Variants in GFRA4 observed in about 807,000 individuals in gnomAD.
GFRA4 encodes the protein GDNF family receptor alpha-4.
GFRA4 carries 31 observed loss-of-function variants against 28.5 expected under a neutral mutation model. The observed-to-expected ratio is 1.09, with a 90% CI of 0.82 to 1.47. The LOEUF is 1.47. GFRA4 is among the 40% of genes most tolerant of loss of function. The pLI is 0.00. For synonymous variants in GFRA4, 188 were observed against 188.0 expected, an observed-to-expected ratio of 1.00 and a Z score of 0.00; for missense variants, 389 against 413.2, an observed-to-expected ratio of 0.94 and a Z score of 0.51.
chr20:3,660,910 C>A, intron 2 of GFRA4, 34 bp downstream of exon 2: 1 of 1,382,236 alleles, frequency 7.2e-7, no homozygotes, highest in Non-Finnish European at 9.3e-7. Flanking sequence ...CCCGTCCCCA[C>A]CCTCGCCACG....
At chr20:3,662,765 T>A (rs1436051802) in intron 1 of GFRA4, among the ~76,000 whole-genome samples, 1 of 152,156 alleles carries the variant, frequency 6.6e-6, no homozygotes, top group African/African-American at 2.4e-5. Flanking sequence ...CACCAGCACC[T>A]GATGTTGCCT....
chr20:3,662,392 C>A (rs1024941367), intron 1 of GFRA4, among the ~76,000 whole-genome samples: 2 of 152,216 alleles, frequency 1.3e-5, no homozygotes, highest in African/African-American at 2.4e-5. Context: ...AGACTAGAAG[C>A]CTTTCTGGTG....
At position 3,659,947 on chromosome 20, in the gene GFRA4, A is replaced by G; in HGVS notation, c.772T>C (p.Ser258Pro). The G allele has an allele frequency of 6.3e-7, 1 of 1,597,726 alleles. No homozygotes were observed. Among genetic ancestry groups the G allele is most frequent in the Non-Finnish European group, 8.5e-7 (1 of 1,173,316 alleles). The change falls in exon 6 of 6, where the codon TCC (serine) becomes CCC (proline). Residue 258 changes from serine (S) to proline (P), a missense_variant. Physicochemically the swap from Ser to Pro is moderately conservative, Grantham distance 74. Coordinates refer to ENST00000290417, the MANE Select transcript of GFRA4 (RefSeq NM_022139.4). Reference protein sequence around the residue: ...GRALERRSLLSILPVLALPAL... With the variant: ...GRALERRSLLPILPVLALPAL... Reference sequence around the variant, plus strand: ...GGGAGAGCCAGGACAGGAAGTATGGAGAGCAGGGAGCGTCTCTCCAGGGCC... The same window carrying G: ...GGGAGAGCCAGGACAGGAAGTATGGGGAGCAGGGAGCGTCTCTCCAGGGCC...
In GFRA4 at chr20:3,659,827, T is replaced by C; in HGVS notation, c.*82A>G. 7.4e-7 allele frequency: 1 copy of C among 1,360,504 alleles called. No homozygotes were observed. The highest frequency in any genetic ancestry group is 1.0e-6 in the Non-Finnish European group (1 of 978,374). 84.3% of individuals were successfully genotyped at this position (1,360,504 alleles called of 1,614,324 possible). On this transcript the variant is annotated 3_prime_UTR_variant, in exon 6 of 6. Coordinates refer to ENST00000290417, the MANE Select transcript of GFRA4 (RefSeq NM_022139.4). ...GCTTGGGGGGTAAGCCAGCCCCTTCTCAAGGGGCCAGTAGGCCACAGAGGC... is the reference window on the plus strand; with the variant it reads ...GCTTGGGGGGTAAGCCAGCCCCTTCCCAAGGGGCCAGTAGGCCACAGAGGC...
chr20:3,660,375 G>A, intron 4 of GFRA4, 126 bp from the exon 5 acceptor site: 1 of 1,068,958 alleles, frequency 9.4e-7, no homozygotes, highest in Non-Finnish European at 1.4e-6. Context: ...GTGTGGTGAG[G>A]AATAACAAAA....
chr20:3,661,533 C>T (rs2087225149), intron 1 of GFRA4, among the ~76,000 whole-genome samples: 1 of 151,522 alleles, frequency 6.6e-6, no homozygotes, highest in Admixed American at 6.6e-5. Context: ...CCAGGCCTTC[C>T]CCAAAAGCTG....
Position 3,661,775 on chromosome 20 carries a change from C to A in GFRA4, c.47-486G>T, listed in dbSNP as rs117215532. On this transcript the variant is annotated intron_variant, in intron 1 of 5. Transcript: ENST00000290417. ...ACGCCATACCTTTCCTCCTCTACCC[C>A]CTCCACCTCGCCGCTTATCCTCCAC... 8.6e-3 allele frequency among the ~76,000 whole-genome samples: 1,310 copies of A among 152,316 alleles called. 15 individuals are homozygous for A. Among genetic ancestry groups the A allele is most frequent in the Middle Eastern group, 0.041 (12 of 294 alleles).
Position 3,661,289 on chromosome 20 carries a change from C to G in GFRA4, c.47G>C (p.Gly16Ala). The change falls in exon 2 of 6, where the codon GGG becomes GCG. Residue 16 changes from glycine to alanine, a missense_variant and splice_region_variant. Coordinates refer to ENST00000290417, the MANE Select transcript of GFRA4 (RefSeq NM_022139.4). ...GTTCCCTCCGACCGAGCTCGCCGAC[C>G]CTGGGAAAGGCGCGGGGAGGCTGCA... ...GPALLLLLLL[G>A]SASSVGGNRC... The G allele has an allele frequency of 1.4e-6, 2 of 1,462,184 alleles. No individual in the cohort carries two copies. The highest frequency in any genetic ancestry group is 1.8e-6 in the Non-Finnish European group (2 of 1,113,292). 90.6% of individuals were successfully genotyped at this position (1,462,184 alleles called of 1,614,324 possible).
intron 1 of GFRA4, among the ~76,000 whole-genome samples, chr20:3,661,949 C>T (rs923586053): frequency 4.6e-5 from 7 of 152,204 alleles, no homozygotes; most frequent in African/African-American, 1.7e-4. Context: ...CCCATCTGCA[C>T]TGGCTTCCTC....
In GFRA4 at chr20:3,659,796, GGGCC is replaced by G; in HGVS notation, c.*109_*112del. On this transcript the variant is annotated 3_prime_UTR_variant, in exon 6 of 6. Coordinates refer to ENST00000290417, the MANE Select transcript of GFRA4 (RefSeq NM_022139.4). ...AAAGGGCAGCGGAGTGAAAGCACCAGGGCCGGCTTGGGGGGTAAGCCAGCCCCTT... is the reference window on the plus strand; with the variant it reads ...AAAGGGCAGCGGAGTGAAAGCACCAGGGCTTGGGGGGTAAGCCAGCCCCTT... The G allele has an allele frequency of 9.8e-7, 1 of 1,020,608 alleles. No homozygotes were observed. Among genetic ancestry groups the G allele is most frequent in the Non-Finnish European group, 1.5e-6 (1 of 683,702 alleles). The allele number at this position is 1,020,608 out of a possible 1,614,324, so 63.2% of individuals were successfully genotyped here. A position where few individuals can be genotyped will look rare whatever the true frequency, so the allele number is the denominator to read the frequency against.
At position 3,659,820 on chromosome 20, in the gene GFRA4, C is replaced by T. The variant is rs635674; in HGVS notation, c.*89G>A. ...AGGGCCGGCTTGGGGGGTAAGCCAG[C>T]CCCTTCTCAAGGGGCCAGTAGGCCA... On this transcript the variant is annotated 3_prime_UTR_variant, in exon 6 of 6. Coordinates refer to ENST00000290417, the MANE Select transcript of GFRA4 (RefSeq NM_022139.4). 1,038,448 of 1,275,560 alleles carry T rather than the reference C, an allele frequency of 0.81. 427,116 individuals are homozygous for T. The highest frequency in any genetic ancestry group is 0.85 in the Non-Finnish European group (763,998 of 903,662). The allele number at this position is 1,275,560 out of a possible 1,614,324, so 79.0% of individuals were successfully genotyped here. A position where few individuals can be genotyped will look rare whatever the true frequency, so the allele number is the denominator to read the frequency against.
rs930224943 is a variant in GFRA4, at chr20:3,660,919, C to T, written c.392+25G>A. 23 of 1,378,006 alleles carry T rather than the reference C, an allele frequency of 1.7e-5. No individual in the cohort carries two copies. The African/African-American group carries it at 3.1e-4, about 18-fold the overall frequency. 85.4% of individuals were successfully genotyped at this position (1,378,006 alleles called of 1,614,324 possible). ...AGAGGCCCCGTCCCCACCCTCGCCA[C>T]GGCCCCGCCGCCGCCCGCGCGCACC... On this transcript the variant is annotated intron_variant, in intron 2 of 5. Transcript: ENST00000290417.
In GFRA4 at chr20:3,660,510, C is replaced by A; in HGVS notation, c.637+16G>T. The A allele has an allele frequency of 6.5e-7, 1 of 1,545,690 alleles. No homozygotes were observed. Among genetic ancestry groups the A allele is most frequent in the Non-Finnish European group, 8.7e-7 (1 of 1,144,904 alleles). On this transcript the variant is annotated intron_variant, in intron 4 of 5. Coordinates refer to ENST00000290417, the MANE Select transcript of GFRA4 (RefSeq NM_022139.4). ...GCCGCCCCCACTCCCCCTCCACTCC[C>A]CCCCGGGCCCCTCACCCAAGCAGCG... is the stretch of plus-strand genomic sequence containing the variant.
At position 3,660,544 on chromosome 20, in the gene GFRA4, T is replaced by C. The variant is rs1181030513; in HGVS notation, c.619A>G (p.Thr207Ala). 1.5e-6 allele frequency: 2 copies of C among 1,302,074 alleles called. No homozygotes were observed. Among genetic ancestry groups the C allele is most frequent in the Admixed American group, 2.3e-5 (1 of 43,376 alleles). The allele number at this position is 1,302,074 out of a possible 1,614,324, so 80.7% of individuals were successfully genotyped here. Residue 207 changes from threonine to alanine, a missense_variant, in exon 4 of 6, where the codon ACC (threonine) becomes GCC (alanine). By Grantham distance (58) the Thr-to-Ala change is moderately conservative. Coordinates refer to ENST00000290417, the MANE Select transcript of GFRA4 (RefSeq NM_022139.4). The part of the protein sequence containing the change: ...EDCEAFRGLF[T>A]RNRCLDGAIQ... ...CCCTCACCCAAGCAGCGGTTCCTGG[T>C]AAAGAGCCCCCGGAAGGCTTCGCAG...
In GFRA4 at chr20:3,659,509, A is replaced by G. The variant is rs1293119029; in HGVS notation, c.*400T>C. 2 of 228,610 alleles carry G rather than the reference A, an allele frequency of 8.7e-6. No individual in the cohort carries two copies. The highest frequency in any genetic ancestry group is 1.7e-5 in the Non-Finnish European group (2 of 114,870). The allele number at this position is 228,610 out of a possible 1,614,324, so 14.2% of individuals were successfully genotyped here. A position where few individuals can be genotyped will look rare whatever the true frequency, so the allele number is the denominator to read the frequency against. On this transcript the variant is annotated 3_prime_UTR_variant, in exon 6 of 6. Transcript: ENST00000290417. ...TTCCTTAGGGGGTTATATGCTTGGG[A>G]GGCTGATACAATTTCCTAGAATTCT...
In GFRA4 at chr20:3,659,794, C is replaced by T. The variant is rs1036615847; in HGVS notation, c.*115G>A. 2 of 1,004,294 alleles carry T rather than the reference C, an allele frequency of 2.0e-6. No individual in the cohort carries two copies. Among genetic ancestry groups the T allele is most frequent in the Admixed American group, 2.2e-5 (1 of 46,118 alleles). 62.2% of individuals were successfully genotyped at this position (1,004,294 alleles called of 1,614,324 possible). The stretch of plus-strand genomic sequence containing the variant: ...ACAAAGGGCAGCGGAGTGAAAGCAC[C>T]AGGGCCGGCTTGGGGGGTAAGCCAG... On this transcript the variant is annotated 3_prime_UTR_variant, in exon 6 of 6. Coordinates refer to ENST00000290417, the MANE Select transcript of GFRA4 (RefSeq NM_022139.4).
At position 3,659,938 on chromosome 20, in the gene GFRA4, G is replaced by C; in HGVS notation, c.781C>G (p.Pro261Ala). ...LERRSLLSIL[P>A]VLALPALL Reference sequence around the variant, plus strand: ...AGCAGGGCCGGGAGAGCCAGGACAGGAAGTATGGAGAGCAGGGAGCGTCTC... The same window carrying C: ...AGCAGGGCCGGGAGAGCCAGGACAGCAAGTATGGAGAGCAGGGAGCGTCTC... The change falls in exon 6 of 6, where the codon CCT becomes GCT. Residue 261 changes from proline (P) to alanine (A), a missense_variant. Coordinates refer to ENST00000290417, the MANE Select transcript of GFRA4 (RefSeq NM_022139.4). 1 of 1,598,242 alleles carries C rather than the reference G, an allele frequency of 6.3e-7. No individual in the cohort carries two copies. Among genetic ancestry groups the C allele is most frequent in the Non-Finnish European group, 8.5e-7 (1 of 1,173,610 alleles).
intron 1 of GFRA4, among the ~76,000 whole-genome samples, chr20:3,662,965 C>T (rs112295015): frequency 0.064 from 9,755 of 152,210 alleles, 865 homozygotes; most frequent in African/African-American, 0.2. Flanking sequence ...CATGCAGGGA[C>T]GGAGCAGTCC....
At position 3,660,586 on chromosome 20, in the gene GFRA4, C is replaced by T. The variant is rs1453741035; in HGVS notation, c.577G>A (p.Gly193Arg). 2.6e-6 allele frequency: 4 copies of T among 1,551,018 alleles called. No homozygotes were observed. Among genetic ancestry groups the T allele is most frequent in the African/African-American group, 1.4e-5 (1 of 73,268 alleles). The stretch of plus-strand genomic sequence containing the variant: ...GCTTCGCAGTCCTCACGCCGGTTCC[C>T]GCTGGCTCCGCAGTCGCACCAGGGC... ...VAPWCDCGASGNRREDCEAFR... is the reference protein window; with the variant it reads ...VAPWCDCGASRNRREDCEAFR... The change falls in exon 4 of 6, where the codon GGG (glycine) becomes AGG (arginine). Residue 193 changes from glycine (G) to arginine (R), a missense_variant. Coordinates refer to ENST00000290417, the MANE Select transcript of GFRA4 (RefSeq NM_022139.4).
Sources: allele counts gnomAD v4.1 joint callset (sites outside exome capture counted in the v4.1 genomes callset), GRCh38; gene constraint gnomAD v4.1.1; transcripts MANE v1.5; gene names NCBI Gene and HGNC (gene_info 2026-07-23, HGNC 2026-07-21).